The following PRKG2 variants were observed in gnomAD, a reference collection of about 807,000 sequenced individuals.
The protein encoded by PRKG2 is protein kinase cGMP-dependent 2.
In PRKG2, 33 loss-of-function variants were observed where a neutral mutation model predicts 97.2. That is an observed-to-expected ratio of 0.34 (90% CI 0.26 to 0.45). The LOEUF is 0.45. Ranked by LOEUF, PRKG2 falls within the 20% of genes least tolerant of loss-of-function variation. PRKG2 has a pLI of 1.00. For missense variants in PRKG2, 638 were observed against 900.0 expected (o/e 0.71, Z 3.73); for synonymous variants, 330 against 321.8 (o/e 1.03, Z -0.27).
At chr4:81,160,392 T>C (rs1285414004) in intron 6 of PRKG2, among the ~76,000 whole-genome samples, 1 of 152,170 alleles carries the variant, frequency 6.6e-6, no homozygotes, top group Non-Finnish European at 1.5e-5. Flanking sequence ...ATTTCAGGCA[T>C]GGGGTCCAAA....
At chr4:81,167,667 G>C (rs77554309) in intron 5 of PRKG2, among the ~76,000 whole-genome samples, 2 of 151,920 alleles carry the variant, frequency 1.3e-5, no homozygotes, top group Non-Finnish European at 2.9e-5. Context: ...GACTGAATCC[G>C]GGGTTGGGAG....
intron 17 of PRKG2, among the ~76,000 whole-genome samples, chr4:81,101,467 C>G (rs182402493): frequency 6.7e-6 from 1 of 148,390 alleles, no homozygotes; most frequent in Non-Finnish European, 1.5e-5. Flanking sequence ...ATTGCAAGGA[C>G]AAAAAACCAA....
chr4:81,112,454 G>T (rs1744084449), intron 14 of PRKG2, among the ~76,000 whole-genome samples: 1 of 152,090 alleles, frequency 6.6e-6, no homozygotes, highest in Admixed American at 6.5e-5. Flanking sequence ...TGTTTTGTTG[G>T]TTTATAACAG....
intron 5 of PRKG2, among the ~76,000 whole-genome samples, chr4:81,167,596 C>T (rs1285550232): frequency 6.6e-6 from 1 of 152,002 alleles, no homozygotes; most frequent in African/African-American, 2.4e-5. Context: ...TTAGTTTGTG[C>T]GAGGAGCTCT....
chr4:81,141,169 C>A (rs1249581171), intron 11 of PRKG2, among the ~76,000 whole-genome samples: 1 of 152,018 alleles, frequency 6.6e-6, no homozygotes, highest in Non-Finnish European at 1.5e-5. Context: ...AACCACCACA[C>A]CCAGCTAATT....
At chr4:81,138,938 G>A (rs1746984034) in intron 12 of PRKG2, among the ~76,000 whole-genome samples, 1 of 152,128 alleles carries the variant, frequency 6.6e-6, no homozygotes, top group African/African-American at 2.4e-5. Context: ...AAGTGGGTCT[G>A]GAAAGATGGA....
At position 81,137,455 on chromosome 4, in the gene PRKG2, C is replaced by T. The variant is rs1286809657; in HGVS notation, c.1572G>A (p.Lys524=). 1.2e-6 allele frequency: 2 copies of T among 1,611,982 alleles called. No individual in the cohort carries two copies. The highest frequency in any genetic ancestry group is 1.7e-5 in the Admixed American group (1 of 60,002). ...VKLYRTFKDN[K]YVYMLLEACL... Reference sequence around the variant, plus strand: ...AGGCCTCCAGAAGCATGTATACATACTTATTGTCCTTGAAAGTACGATATA... The same window carrying T: ...AGGCCTCCAGAAGCATGTATACATATTTATTGTCCTTGAAAGTACGATATA... The change falls in exon 13 of 19, where the codon AAG becomes AAA. Residue 524 remains lysine, a synonymous_variant. Coordinates refer to ENST00000264399, the MANE Select transcript of PRKG2 (RefSeq NM_006259.3).
At chr4:81,118,098 TAA>T (rs926042639) in intron 14 of PRKG2, among the ~76,000 whole-genome samples, 5 of 152,358 alleles carry the variant, frequency 3.3e-5, no homozygotes, top group Non-Finnish European at 7.3e-5. Flanking sequence ...ATGAAGTATG[TAA>T]GCTTTGTGGA....
intron 12 of PRKG2, among the ~76,000 whole-genome samples, chr4:81,139,663 T>A (rs188893259): frequency 6.6e-6 from 1 of 150,760 alleles, no homozygotes; most frequent in African/African-American, 2.4e-5. Context: ...TAGTTCCAGC[T>A]ACTCTGGAGG....
intron 2 of PRKG2, among the ~76,000 whole-genome samples, chr4:81,178,094 C>A (rs1751096423): frequency 1.5e-5 from 2 of 137,638 alleles, no homozygotes; most frequent in Non-Finnish European, 3.2e-5. Flanking sequence ...GTCCTGGTAA[C>A]CACCCAGGAT....
At chr4:81,164,509 T>G (rs906029668) in intron 6 of PRKG2, among the ~76,000 whole-genome samples, 2 of 151,902 alleles carry the variant, frequency 1.3e-5, no homozygotes, top group Admixed American at 6.6e-5. Flanking sequence ...AGACTAGACT[T>G]GAAAAAAGTG....
chr4:81,160,291 T>A (rs1006732221), intron 6 of PRKG2, among the ~76,000 whole-genome samples: 1 of 152,156 alleles, frequency 6.6e-6, no homozygotes, highest in Non-Finnish European at 1.5e-5. Flanking sequence ...TACATTGCAG[T>A]CATAAACTGT....
Position 81,153,685 on chromosome 4 carries a change from CCTCT to C in PRKG2, c.945_948del (p.Glu316AlafsTer15), listed in dbSNP as rs1748646977. 1 of 1,605,604 alleles carries C rather than the reference CCTCT, an allele frequency of 6.2e-7. No individual in the cohort carries two copies. The highest frequency in any genetic ancestry group is 1.3e-5 in the African/African-American group (1 of 74,712). ...ATGAAAAAGGTACTTCCTTCCTCGC[CCTCT>C]CTAATGATGTAATCTCCTTTGTCAT... On this transcript the variant is annotated frameshift_variant, in exon 7 of 19. Coordinates refer to ENST00000264399, the MANE Select transcript of PRKG2 (RefSeq NM_006259.3). LOFTEE classifies it high-confidence loss of function.
chr4:81,114,922 C>A (rs2109989915), intron 14 of PRKG2, among the ~76,000 whole-genome samples: 1 of 152,086 alleles, frequency 6.6e-6, no homozygotes, highest in Non-Finnish European at 1.5e-5. Context: ...GGGCAAATGT[C>A]TTTTTTACTG....
intron 14 of PRKG2, among the ~76,000 whole-genome samples, chr4:81,119,767 C>T (rs1229926478): frequency 6.6e-6 from 1 of 150,548 alleles, no homozygotes; most frequent in Admixed American, 6.6e-5. Flanking sequence ...CTCCACCTCC[C>T]GGGTTCACAC....
intron 2 of PRKG2, among the ~76,000 whole-genome samples, chr4:81,183,758 T>C (rs1215706651): frequency 6.6e-6 from 1 of 152,072 alleles, no homozygotes; most frequent in Non-Finnish European, 1.5e-5. Flanking sequence ...AAATTCTCAC[T>C]GCCAGTACAG....
intron 2 of PRKG2, among the ~76,000 whole-genome samples, chr4:81,188,110 T>C (rs1752057376): frequency 6.6e-6 from 1 of 152,110 alleles, no homozygotes; most frequent in Non-Finnish European, 1.5e-5. Flanking sequence ...AGAAAATTTT[T>C]GCAACCTACT....
At chr4:81,116,135 G>A (rs1744493670) in intron 14 of PRKG2, among the ~76,000 whole-genome samples, 1 of 152,068 alleles carries the variant, frequency 6.6e-6, no homozygotes, top group Admixed American at 6.6e-5. Context: ...CATCATCCAG[G>A]TAATAAGCAT....
intron 2 of PRKG2, among the ~76,000 whole-genome samples, chr4:81,183,465 G>C (rs185400188): frequency 7.6e-4 from 115 of 152,262 alleles, no homozygotes; most frequent in African/African-American, 2.6e-3. Flanking sequence ...GGCCCAGATA[G>C]TACGCTTTTC....
Sources: gnomAD v4.1 joint callset for allele counts (sites outside exome capture counted in the v4.1 genomes callset) on GRCh38, gnomAD v4.1.1 for gene constraint, MANE v1.5 for transcripts, NCBI Gene and HGNC (gene_info 2026-07-23, HGNC 2026-07-21) for gene names.